Variants in TRPM6 observed in about 807,000 individuals in gnomAD.
The protein encoded by TRPM6 is transient receptor potential cation channel subfamily M member 6, also known as channel kinase 2.
In TRPM6, 111 loss-of-function variants were observed where a neutral mutation model predicts 247.6. The observed-to-expected ratio is 0.45, with a 90% confidence interval of 0.38 to 0.52. TRPM6 has a LOEUF of 0.52. Among genes scored for constraint, TRPM6 ranks in the 20% least tolerant of loss-of-function variants. The pLI, the probability that TRPM6 is intolerant of heterozygous loss-of-function variation, is 0.00. For synonymous variants in TRPM6, 892 were observed against 853.8 expected (o/e 1.04, Z -0.78); for missense variants, 2,126 against 2,421.5 (o/e 0.88, Z 2.56).
chr9:74,726,808 C>T (rs1232551135), intron 38 of TRPM6, among the ~76,000 whole-genome samples: 1 of 152,158 alleles, frequency 6.6e-6, no homozygotes, highest in Non-Finnish European at 1.5e-5. Context: ...TCAGCTCCTG[C>T]CTTCCAGAGG....
Position 74,755,353 on chromosome 9 carries a change from C to G in TRPM6, c.4906G>C (p.Gly1636Arg). The G allele has an allele frequency of 6.2e-7, 1 of 1,614,050 alleles. No homozygotes were observed. The highest frequency in any genetic ancestry group is 8.5e-7 in the Non-Finnish European group (1 of 1,179,974). ...ATCCAAAATTGTAGATGTTACATAC[C>G]TGTGTGACTAAATTTGGACACTGTG... ...WFTVSKFSHT[G>R]VEPYIHQKMK... Residue 1636 changes from glycine to arginine, a missense_variant and splice_region_variant, in exon 28 of 39, where the codon GGT becomes CGT. Coordinates refer to ENST00000360774, the MANE Select transcript of TRPM6 (RefSeq NM_017662.5).
At chr9:74,772,254 G>A (rs1827074152) in intron 24 of TRPM6, among the ~76,000 whole-genome samples, 1 of 152,054 alleles carries the variant, frequency 6.6e-6, no homozygotes, top group African/African-American at 2.4e-5. Context: ...CTCCAGCATG[G>A]GCTAAAAAGC....
In TRPM6 at chr9:74,801,931, T is replaced by C; in HGVS notation, c.1976A>G (p.Asp659Gly). The C allele has an allele frequency of 1.2e-6, 2 of 1,614,258 alleles. No individual in the cohort carries two copies. Residue 659 changes from aspartate (D) to glycine (G), a missense_variant, in exon 16 of 39, where the codon GAT becomes GGT. Physicochemically the swap from Asp to Gly is moderately conservative, Grantham distance 94. This residue lies in a region of TRPM6 where 1,082 missense variants were observed against 1,307.9 expected (regional missense o/e 0.83). Coordinates refer to ENST00000360774, the MANE Select transcript of TRPM6 (RefSeq NM_017662.5). Reference sequence around the variant, plus strand: ...ATTCTTCAACTCTTCTGAGGCATCATCCACCATGTGACTCTCCTTAGCTTC... The same window carrying C: ...ATTCTTCAACTCTTCTGAGGCATCACCCACCATGTGACTCTCCTTAGCTTC... Reference protein sequence around the residue: ...AHEAKESHMVDDASEELKNYS... With the variant: ...AHEAKESHMVGDASEELKNYS...
chr9:74,750,357 T>A (rs1408560507), intron 30 of TRPM6, among the ~76,000 whole-genome samples: 1 of 152,246 alleles, frequency 6.6e-6, no homozygotes, highest in East Asian at 1.9e-4. Context: ...CACAATCTTA[T>A]CTATCCAAAA....
At chr9:74,757,678 C>T (rs549522676) in intron 27 of TRPM6, among the ~76,000 whole-genome samples, 10 of 152,164 alleles carry the variant, frequency 6.6e-5, no homozygotes, top group South Asian at 2.1e-4. Context: ...CTCGGGAAAC[C>T]GAGGCGGGTG....
intron 7 of TRPM6, chr9:74,826,879 C>A (rs763862117): frequency 2.0e-5 from 3 of 152,312 alleles, no homozygotes; most frequent in Non-Finnish European, 2.9e-5. Context: ...GCTGGGATTA[C>A]AGGCATGCAC....
intron 36 of TRPM6, among the ~76,000 whole-genome samples, chr9:74,733,194 T>A (rs1427085260): frequency 6.6e-6 from 1 of 150,902 alleles, no homozygotes; most frequent in Non-Finnish European, 1.5e-5. Context: ...AGAGCTTAAC[T>A]CTATCTCAAA....
intron 3 of TRPM6, among the ~76,000 whole-genome samples, chr9:74,854,861 C>T (rs963261185): frequency 6.6e-6 from 1 of 152,082 alleles, no homozygotes; most frequent in Non-Finnish European, 1.5e-5. Context: ...TGCTTTTGTA[C>T]GTCGAGACAG....
Position 74,738,511 on chromosome 9 carries a change from C to T in TRPM6, c.5672G>A (p.Gly1891Asp). Residue 1891 changes from glycine (G) to aspartate (D), a missense_variant, in exon 36 of 39, where the codon GGT (glycine) becomes GAT (aspartate). Gly to Asp is a moderately conservative substitution (Grantham distance 94). Coordinates refer to ENST00000360774, the MANE Select transcript of TRPM6 (RefSeq NM_017662.5). Reference protein sequence around the residue: ...GEFRKYNNNNGDEITPTNTLE... With the variant: ...GEFRKYNNNNDDEITPTNTLE... ...GGTGTTGGTGGGGGTGATTTCATCA[C>T]CATTGTTGTTGTTATACTTCCGGAA... 1 of 1,614,088 alleles carries T rather than the reference C, an allele frequency of 6.2e-7. No homozygotes were observed. Among genetic ancestry groups the T allele is most frequent in the Non-Finnish European group, 8.5e-7 (1 of 1,179,998 alleles).
At chr9:74,773,095 C>A (rs1189297845) in intron 24 of TRPM6, among the ~76,000 whole-genome samples, 2 of 152,152 alleles carry the variant, frequency 1.3e-5, no homozygotes, top group African/African-American at 4.8e-5. Flanking sequence ...CCACTGCACT[C>A]CAGCCTGGGC....
chr9:74,767,031 C>G (rs1826851299), intron 25 of TRPM6, among the ~76,000 whole-genome samples: 1 of 152,192 alleles, frequency 6.6e-6, no homozygotes, highest in Non-Finnish European at 1.5e-5. Flanking sequence ...TCTGGTACCT[C>G]TCAGCAACTC....
chr9:74,808,138 C>T lies in TRPM6; in HGVS notation c.1534G>A (p.Asp512Asn), dbSNP rs1828595099. Residue 512 changes from aspartate to asparagine, a missense_variant, in exon 14 of 39, where the codon GAC becomes AAC. By Grantham distance (23) the Asp-to-Asn change is conservative (BLOSUM62 1). Transcript: ENST00000360774. ...LLSGYRITLI[D>N]IGLVVEYLIG... The stretch of plus-strand genomic sequence containing the variant: ...AGGTATTCTACTACTAATCCAATGT[C>T]AATCAAGGTTATTCGGTAGCCTGAA... The T allele has an allele frequency of 6.2e-7, 1 of 1,613,974 alleles. No individual in the cohort carries two copies. Among genetic ancestry groups the T allele is most frequent in the Non-Finnish European group, 8.5e-7 (1 of 1,179,936 alleles).
chr9:74,801,306 G>T lies in TRPM6; in HGVS notation c.2009+592C>A, dbSNP rs191727906. 4.1e-3 allele frequency among the ~76,000 whole-genome samples: 590 copies of T among 142,302 alleles called. 11 individuals are homozygous for T. The highest frequency in any genetic ancestry group is 2.2e-3 in the Non-Finnish European group (144 of 66,466). 93.4% of individuals were successfully genotyped at this position (142,302 alleles called of 152,430 possible). Reference sequence around the variant, plus strand: ...CGGAGTCTCACTCTGTCGCCAGGCTGGAGTGCAGTGGCACGATCTCAGTTC... The same window carrying T: ...CGGAGTCTCACTCTGTCGCCAGGCTTGAGTGCAGTGGCACGATCTCAGTTC... On this transcript the variant is annotated intron_variant, in intron 16 of 38. Transcript: ENST00000360774.
At chr9:74,781,109 G>T (rs1827426292) in intron 23 of TRPM6, among the ~76,000 whole-genome samples, 1 of 152,090 alleles carries the variant, frequency 6.6e-6, no homozygotes, top group Non-Finnish European at 1.5e-5. Context: ...GGATATACAG[G>T]AAACTGAAAG....
chr9:74,811,754 T>A (rs1042563244), intron 12 of TRPM6, among the ~76,000 whole-genome samples: 5 of 152,204 alleles, frequency 3.3e-5, no homozygotes, highest in African/African-American at 1.2e-4. Flanking sequence ...CTTAAGCTGA[T>A]CAATAAATAA....
At chr9:74,742,790 T>C (rs902278196) in intron 32 of TRPM6, among the ~76,000 whole-genome samples, 164 bp from the exon 33 acceptor site, 2 of 152,240 alleles carry the variant, frequency 1.3e-5, no homozygotes, top group Non-Finnish European at 2.9e-5. Flanking sequence ...AAAAATAAAC[T>C]ATGCCTTAAA....
chr9:74,759,366 T>G (rs1826545390), intron 27 of TRPM6, among the ~76,000 whole-genome samples: 1 of 152,152 alleles, frequency 6.6e-6, no homozygotes, highest in South Asian at 2.1e-4. Flanking sequence ...TAAAGTTGTA[T>G]TCAAGATAAC....
chr9:74,775,035 A>G (rs1221952150), intron 24 of TRPM6, among the ~76,000 whole-genome samples: 1 of 152,202 alleles, frequency 6.6e-6, no homozygotes, highest in Non-Finnish European at 1.5e-5. Flanking sequence ...CCAATTGTGG[A>G]ACTGCTTGAC....
At position 74,847,172 on chromosome 9, in the gene TRPM6, A is replaced by T. The variant is rs141428843; in HGVS notation, c.153-4829T>A. Among the ~76,000 whole-genome samples, 306 of 152,284 alleles carry T rather than the reference A, an allele frequency of 2.0e-3. 5 individuals carry two copies. The East Asian group carries it at 0.043, about 22-fold the overall frequency. ...ATTTCCTTTGTAAAAAAATTTTTTT[A>T]AATTATTATAACATTCTCACTTTTT... On this transcript the variant is annotated intron_variant, in intron 3 of 38. Transcript: ENST00000360774.
Sources: allele counts gnomAD v4.1 joint callset (sites outside exome capture counted in the v4.1 genomes callset), GRCh38; gene constraint gnomAD v4.1.1; regional missense constraint gnomAD v4.1.1; transcripts MANE v1.5; gene names NCBI Gene and HGNC (gene_info 2026-07-23, HGNC 2026-07-21).